TMEM59: variants seen among roughly 807,000 people sequenced by gnomAD.
The protein encoded by TMEM59 is transmembrane protein 59.
Under a neutral mutation model 42.2 loss-of-function variants are expected in TMEM59, and 44 were observed. The ratio of observed to expected loss-of-function variants is 1.04; its 90% CI spans 0.82 to 1.34. The LOEUF is 1.34. Among genes scored for constraint, TMEM59 ranks in the 40% most tolerant of loss-of-function variants. The probability of loss-of-function intolerance (pLI) is 0.00; values close to 1 mark genes in which losing one functional copy is unlikely to be tolerated. For missense variants in TMEM59, 359 were observed against 382.8 expected, an observed-to-expected ratio of 0.94 and a Z score of 0.52; for synonymous variants, 148 against 145.8, an observed-to-expected ratio of 1.02 and a Z score of -0.11.
upstream of TMEM59, chr1:54,053,427 G>C (rs1258204921): frequency 1.8e-6 from 1 of 544,276 alleles, no homozygotes; most frequent in South Asian, 2.5e-5. Context: ...GCGTTAGCGC[G>C]AAGCGGGGCC....
Position 54,043,440 on chromosome 1 carries a change from TGTGC to T in TMEM59, c.472_475del (p.Ala158ArgfsTer4). On this transcript the variant is annotated frameshift_variant, in exon 4 of 8. Coordinates refer to ENST00000234831, the MANE Select transcript of TMEM59 (RefSeq NM_004872.5). LOFTEE classifies it high-confidence loss of function. ...AGTCCATGAAGAGGTTATGAAGCTC[TGTGC>T]GGAGTCCATCATGTCACTCCAGAAT... 6.3e-7 allele frequency: 1 copy of T among 1,583,134 alleles called. No homozygotes were observed. The highest frequency in any genetic ancestry group is 1.2e-5 in the South Asian group (1 of 85,944).
chr1:54,037,100 T>C (rs1261419856), intron 6 of TMEM59, among the ~76,000 whole-genome samples: 1 of 152,216 alleles, frequency 6.6e-6, no homozygotes, highest in Non-Finnish European at 1.5e-5. Flanking sequence ...AGAAAACCAA[T>C]ATACCAAAAA....
chr1:54,042,234 C>T (rs75665278), intron 4 of TMEM59, among the ~76,000 whole-genome samples: 5,519 of 152,088 alleles, frequency 0.036, 133 homozygotes, highest in Middle Eastern at 0.054. Context: ...TATATTCTTC[C>T]CTAAGTATGA....
chr1:54,052,279 G>T (rs1657571043), intron 1 of TMEM59, among the ~76,000 whole-genome samples: 1 of 152,070 alleles, frequency 6.6e-6, no homozygotes, highest in Non-Finnish European at 1.5e-5. Context: ...AGAGAGGAGG[G>T]CCATTCCTCT....
intron 7 of TMEM59, among the ~76,000 whole-genome samples, chr1:54,032,517 AAATCCTCAGGAGTAT>A (rs1656798102): frequency 6.6e-6 from 1 of 152,270 alleles, no homozygotes; most frequent in Non-Finnish European, 1.5e-5. Context: ...TCTCAAGTTA[AAATCCTCAGGAGTAT>A]AACAATTGGG....
chr1:54,041,538 G>A (rs1360137555), intron 5 of TMEM59, among the ~76,000 whole-genome samples, 186 bp downstream of exon 5: 4 of 152,194 alleles, frequency 2.6e-5, no homozygotes, highest in African/African-American at 9.6e-5. Context: ...AAACTCTGGA[G>A]GTAGGGCCCA....
intron 1 of TMEM59, among the ~76,000 whole-genome samples, chr1:54,050,957 C>T (rs1337601958): frequency 6.6e-6 from 1 of 151,922 alleles, no homozygotes; most frequent in Admixed American, 6.6e-5. Context: ...CTCCCAGGCT[C>T]AAGCAAGCCT....
intron 5 of TMEM59, among the ~76,000 whole-genome samples, chr1:54,041,222 A>G (rs1657127460): frequency 6.6e-6 from 1 of 152,234 alleles, no homozygotes; most frequent in Non-Finnish European, 1.5e-5. Context: ...GGTATGAGGA[A>G]ATTTCACAAG....
In TMEM59 at chr1:54,036,672, C is replaced by T. The variant is rs755165651; in HGVS notation, c.754G>A (p.Val252Ile). 61 of 1,610,910 alleles carry T rather than the reference C, an allele frequency of 3.8e-5. No homozygotes were observed. The East Asian group carries it at 9.2e-4, about 24-fold the overall frequency. Residue 252 changes from valine to isoleucine, a missense_variant, in exon 7 of 8, where the codon GTA (valine) becomes ATA (isoleucine). Physicochemically the swap from Val to Ile is conservative, Grantham distance 29 (BLOSUM62 3). Coordinates refer to ENST00000234831, the MANE Select transcript of TMEM59 (RefSeq NM_004872.5). ...LTTTLVLSVM[V>I]LLWICCATVA... ...GTTGCACAACAAATCCAAAGCAATA[C>T]CATCACCGAGAGGACAAGAGTTGTA...
In TMEM59 at chr1:54,041,671, A is replaced by C; in HGVS notation, c.625+53T>G. ...AAACAAACATGACCAACTCTACTAC[A>C]ACCAGATTTGACTGCTAATGTTTTT... On this transcript the variant is annotated intron_variant, in intron 5 of 7. Transcript: ENST00000234831. 2.1e-6 allele frequency: 3 copies of C among 1,445,348 alleles called. No homozygotes were observed. The South Asian group carries it at 3.5e-5, about 17-fold the overall frequency. 89.5% of individuals were successfully genotyped at this position (1,445,348 alleles called of 1,614,324 possible).
At chr1:54,046,597 C>T (rs890933438) in intron 2 of TMEM59, among the ~76,000 whole-genome samples, 1 of 152,064 alleles carries the variant, frequency 6.6e-6, no homozygotes, top group African/African-American at 2.4e-5. Flanking sequence ...GAGACTAAGC[C>T]GCAAAAATAC....
intron 7 of TMEM59, among the ~76,000 whole-genome samples, chr1:54,035,162 C>A (rs1056790550): frequency 2.0e-5 from 3 of 152,130 alleles, no homozygotes; most frequent in Non-Finnish European, 2.9e-5. Flanking sequence ...AATTATATCA[C>A]CTTAATAAAA....
intron 6 of TMEM59, among the ~76,000 whole-genome samples, chr1:54,038,617 T>C (rs1657034114): frequency 6.6e-6 from 1 of 152,214 alleles, no homozygotes; most frequent in South Asian, 2.1e-4. Context: ...AGTGATTCTG[T>C]ATGTAATCAT....
At position 54,043,525 on chromosome 1, in the gene TMEM59, G is replaced by T; in HGVS notation, c.391C>A (p.Leu131Ile). Residue 131 changes from leucine (L) to isoleucine (I), a missense_variant and splice_region_variant, in exon 4 of 8, where the codon CTT (leucine) becomes ATT (isoleucine). Leu to Ile is a conservative substitution (Grantham distance 5, BLOSUM62 2). Transcript: ENST00000234831. Reference protein sequence around the residue: ...LPFAELRQEQLMSLMPKMHLL... With the variant: ...LPFAELRQEQIMSLMPKMHLL... The stretch of plus-strand genomic sequence containing the variant: ...TGCATTTTTGGCATCAGGGACATAA[G>T]CTAAAAATAAAATAAATAATGAGAA... 1 of 1,479,136 alleles carries T rather than the reference G, an allele frequency of 6.8e-7. No homozygotes were observed. The highest frequency in any genetic ancestry group is 2.4e-5 in the Admixed American group (1 of 40,956). 91.6% of individuals were successfully genotyped at this position (1,479,136 alleles called of 1,614,324 possible).
rs896421059 is a variant in TMEM59 at position 54,027,070 on chromosome 1, C to A, written c.*5080G>T. Reference sequence around the variant, plus strand: ...AATTTTAAATCTTTCTTTTCACCAACTTCTAACTGAAATATAACATTTCCT... The same window carrying A: ...AATTTTAAATCTTTCTTTTCACCAAATTCTAACTGAAATATAACATTTCCT... On this transcript the variant is annotated 3_prime_UTR_variant, in exon 8 of 8. Coordinates refer to ENST00000234831, the MANE Select transcript of TMEM59 (RefSeq NM_004872.5). The A allele has an allele frequency of 6.6e-6, 1 of 152,206 alleles. No homozygotes were observed. Among genetic ancestry groups the A allele is most frequent in the Non-Finnish European group, 1.5e-5 (1 of 68,036 alleles). 9.4% of individuals were successfully genotyped at this position (152,206 alleles called of 1,614,324 possible). A position where few individuals can be genotyped will look rare whatever the true frequency, so the allele number is the denominator to read the frequency against.
rs1335925304 is a variant in TMEM59, at chr1:54,027,883, A to AC, written c.*4266dup. On this transcript the variant is annotated 3_prime_UTR_variant, in exon 8 of 8. Transcript: ENST00000234831. ...TACCACAAGGAGTTAGAAAATCCAC[A>AC]CTACCATCCAGCTTCCTAAACAGAA... The AC allele has an allele frequency of 2.0e-5, 3 of 152,216 alleles. No homozygotes were observed. The highest frequency in any genetic ancestry group is 7.2e-5 in the African/African-American group (3 of 41,454). 9.4% of individuals were successfully genotyped at this position (152,216 alleles called of 1,614,324 possible).
chr1:54,053,354 A>G, upstream of TMEM59: 1 of 721,566 alleles, frequency 1.4e-6, no homozygotes, highest in Non-Finnish European at 2.2e-6. Flanking sequence ...CTCCTGCCTC[A>G]CCTCTGGGAC....
intron 4 of TMEM59, 122 bp from the exon 5 acceptor site, chr1:54,041,927 T>A: frequency 1.5e-6 from 1 of 680,280 alleles, no homozygotes; most frequent in Non-Finnish European, 2.4e-6. Context: ...AAATACTGTA[T>A]AAAAAATAAA....
At position 54,031,757 on chromosome 1, in the gene TMEM59, C is replaced by G. The variant is rs1656771787; in HGVS notation, c.*393G>C. 6.5e-6 allele frequency: 1 copy of G among 154,610 alleles called. No individual in the cohort carries two copies. Among genetic ancestry groups the G allele is most frequent in the Admixed American group, 6.5e-5 (1 of 15,330 alleles). The allele number at this position is 154,610 out of a possible 1,614,324, so 9.6% of individuals were successfully genotyped here. A position where few individuals can be genotyped will look rare whatever the true frequency, so the allele number is the denominator to read the frequency against. ...TCATTTCCTGCTAAATTTCAAATTACAGATTTGTGGGCCATTCCTGAGCAG... is the reference window on the plus strand; with the variant it reads ...TCATTTCCTGCTAAATTTCAAATTAGAGATTTGTGGGCCATTCCTGAGCAG... On this transcript the variant is annotated 3_prime_UTR_variant, in exon 8 of 8. Coordinates refer to ENST00000234831, the MANE Select transcript of TMEM59 (RefSeq NM_004872.5).
Sources: allele counts gnomAD v4.1 joint callset (sites outside exome capture counted in the v4.1 genomes callset), GRCh38; gene constraint gnomAD v4.1.1; transcripts MANE v1.5; gene names NCBI Gene and HGNC (gene_info 2026-07-23, HGNC 2026-07-21).